The following PTPRT variants were observed in gnomAD, a reference collection of about 807,000 sequenced individuals.
The protein encoded by PTPRT is protein tyrosine phosphatase receptor type T.
In PTPRT, 56 loss-of-function variants were observed where a neutral mutation model predicts 176.8. That is an observed-to-expected ratio of 0.32 (90% CI 0.26 to 0.40). The LOEUF (loss-of-function observed/expected upper bound fraction) is 0.40. Ranked by LOEUF, PTPRT falls within the 10% of genes least tolerant of loss-of-function variation. The pLI is 1.00. For missense variants in PTPRT, 1,540 were observed against 1,908.2 expected (o/e 0.81, Z 3.60); for synonymous variants, 783 against 739.0 (o/e 1.06, Z -0.96).
chr20:42,315,903 C>T lies in PTPRT; in HGVS notation c.1959G>A (p.Arg653=), dbSNP rs1600824373. The change falls in exon 12 of 31, where the codon CGG becomes CGA. Residue 653 remains arginine (R), a synonymous_variant. Coordinates refer to ENST00000373187, the MANE Select transcript of PTPRT (RefSeq NM_007050.6). The stretch of plus-strand genomic sequence containing the variant: ...GTAGAGAATCGAGGCTGGAGGCATT[C>T]CGATAGCTCACGGGCACCGAAAAGC... ...IECFSVPVSY[R]NASSLDSLHY... is the part of the protein sequence containing the mutation. 4 of 1,614,056 alleles carry T rather than the reference C, an allele frequency of 2.5e-6. No homozygotes were observed. In the East Asian group the frequency reaches 8.9e-5, roughly 36 times the overall value.
intron 3 of PTPRT, among the ~76,000 whole-genome samples, chr20:42,781,777 C>A (rs2077218874): frequency 6.6e-6 from 1 of 152,186 alleles, no homozygotes; most frequent in Non-Finnish European, 1.5e-5. Context: ...ACGGAAGATA[C>A]TAATAATCTT....
chr20:43,184,712 T>C (rs1337048717), intron 1 of PTPRT, among the ~76,000 whole-genome samples: 1 of 151,450 alleles, frequency 6.6e-6, no homozygotes, highest in Non-Finnish European at 1.5e-5. Flanking sequence ...GCCCTAATGA[T>C]CACCATGCCT....
intron 12 of PTPRT, among the ~76,000 whole-genome samples, chr20:42,301,455 G>A (rs760818078): frequency 2.0e-5 from 3 of 152,138 alleles, no homozygotes; most frequent in Non-Finnish European, 4.4e-5. Flanking sequence ...TGTGACCCTG[G>A]ACCAGGTTTT....
Position 42,098,452 on chromosome 20 carries a change from AC to A in PTPRT, c.3814del (p.Val1272TrpfsTer2). 6.2e-7 allele frequency: 1 copy of A among 1,614,124 alleles called. No individual in the cohort carries two copies. The highest frequency in any genetic ancestry group is 8.5e-7 in the Non-Finnish European group (1 of 1,180,000). ...AGTGTCCATCTCATTCAGCATCACCACAGAGGAGCAGTTGTAATCGAACACC... is the reference window on the plus strand; with the variant it reads ...AGTGTCCATCTCATTCAGCATCACCAAGAGGAGCAGTTGTAATCGAACACC... Reference protein sequence around the residue: ...RLVFDYNCSSVVMLNEMDTAQ... With the variant: ...RLVFDYNCSSXVMLNEMDTAQ... On this transcript the variant is annotated frameshift_variant, in exon 27 of 31. Transcript: ENST00000373187. LOFTEE classifies it high-confidence loss of function.
At chr20:42,616,117 A>C (rs2145839916) in intron 7 of PTPRT, among the ~76,000 whole-genome samples, 1 of 128,298 alleles carries the variant, frequency 7.8e-6, no homozygotes, top group African/African-American at 3.8e-5. Context: ...TTTTTGTATA[A>C]GGCATAAGGA....
chr20:42,336,422 G>A (rs2058040346), intron 11 of PTPRT, among the ~76,000 whole-genome samples: 1 of 152,192 alleles, frequency 6.6e-6, no homozygotes, highest in African/African-American at 2.4e-5. Flanking sequence ...CTGAGGCACA[G>A]GACTGGGGGA....
chr20:42,483,481 G>C (rs1000075886), intron 7 of PTPRT, among the ~76,000 whole-genome samples: 4 of 152,106 alleles, frequency 2.6e-5, no homozygotes, highest in African/African-American at 9.7e-5. Context: ...CGTTCTTTAG[G>C]CCTTCCTTTA....
rs75351972 is a variant in PTPRT at position 42,780,409 on chromosome 20, C to T, written c.487-110G>A. On this transcript the variant is annotated intron_variant, in intron 3 of 30. Coordinates refer to ENST00000373187, the MANE Select transcript of PTPRT (RefSeq NM_007050.6). ...TGTTTCAACTTCCCATCAGAAGCAA[C>T]CCAAGAAACCTTCTGTTAAGACAGC... 5,984 of 766,976 alleles carry T rather than the reference C, an allele frequency of 7.8e-3. 39 individuals are homozygous for T. Among genetic ancestry groups the T allele is most frequent in the Non-Finnish European group, 9.4e-3 (4,239 of 450,406 alleles). 47.5% of individuals were successfully genotyped at this position (766,976 alleles called of 1,614,324 possible).
chr20:42,400,095 T>C (rs2058890540), intron 9 of PTPRT, among the ~76,000 whole-genome samples: 1 of 152,176 alleles, frequency 6.6e-6, no homozygotes, highest in Non-Finnish European at 1.5e-5. Flanking sequence ...ATGCCTCATG[T>C]TGTCTTTAAC....
intron 2 of PTPRT, among the ~76,000 whole-genome samples, chr20:42,880,543 C>T (rs576957876): frequency 6.6e-6 from 1 of 152,320 alleles, no homozygotes; most frequent in Admixed American, 6.5e-5. Context: ...TCACATCTTC[C>T]TTCAGCCCCC....
At chr20:43,098,098 G>A (rs928242150) in intron 1 of PTPRT, among the ~76,000 whole-genome samples, 1 of 152,166 alleles carries the variant, frequency 6.6e-6, no homozygotes, top group Non-Finnish European at 1.5e-5. Context: ...TAGAGAAACA[G>A]AGCCAGCCGG....
intron 1 of PTPRT, among the ~76,000 whole-genome samples, chr20:43,072,993 G>A (rs1568768268): frequency 6.6e-6 from 1 of 152,132 alleles, no homozygotes; most frequent in Non-Finnish European, 1.5e-5. Context: ...GAAGTCAGGA[G>A]GAATAAAAGA....
In PTPRT at chr20:42,589,429, C is replaced by T. The variant is rs920484243; in HGVS notation, c.1153+88437G>A. On this transcript the variant is annotated intron_variant, in intron 7 of 30. Transcript: ENST00000373187. ...CTTCAATTTGTGTGCCAGTCATAAA[C>T]ACAGCAACTTCCATTTGAGCAGAAA... Among the ~76,000 whole-genome samples, 3 of 152,300 alleles carry T rather than the reference C, an allele frequency of 2.0e-5. No homozygotes were observed. In the South Asian group the frequency reaches 6.2e-4, roughly 32 times the overall value.
At chr20:42,776,078 T>C (rs1170598001) in intron 4 of PTPRT, among the ~76,000 whole-genome samples, 1 of 152,130 alleles carries the variant, frequency 6.6e-6, no homozygotes, top group Non-Finnish European at 1.5e-5. Context: ...CTTCCCAGGC[T>C]CTCACCACCT....
chr20:42,918,177 G>A (rs1174630462), intron 1 of PTPRT, among the ~76,000 whole-genome samples: 3 of 152,074 alleles, frequency 2.0e-5, no homozygotes, highest in Non-Finnish European at 4.4e-5. Context: ...GTAGTGAGAG[G>A]TCAACCAGTG....
chr20:42,852,861 T>C (rs1194927990), intron 2 of PTPRT, among the ~76,000 whole-genome samples: 1 of 152,124 alleles, frequency 6.6e-6, no homozygotes, highest in African/African-American at 2.4e-5. Context: ...TAGACCTCCC[T>C]AGAGAGTGAA....
At chr20:42,863,218 T>C (rs577927237) in intron 2 of PTPRT, among the ~76,000 whole-genome samples, 1 of 152,214 alleles carries the variant, frequency 6.6e-6, no homozygotes, top group Non-Finnish European at 1.5e-5. Flanking sequence ...CTTGTAGTTA[T>C]ATTGGTAGAA....
intron 1 of PTPRT, among the ~76,000 whole-genome samples, chr20:42,966,678 C>A (rs1455969879): frequency 1.3e-5 from 2 of 152,200 alleles, no homozygotes; most frequent in Non-Finnish European, 1.5e-5. Context: ...GGTGCTGCTT[C>A]CCCCGCAACA....
intron 2 of PTPRT, among the ~76,000 whole-genome samples, chr20:42,795,225 A>G: frequency 6.6e-6 from 1 of 152,198 alleles, no homozygotes; most frequent in East Asian, 1.9e-4. Context: ...AACATAAAAC[A>G]GCATTAGTTT....
Sources: allele counts gnomAD v4.1 joint callset (sites outside exome capture counted in the v4.1 genomes callset), GRCh38; gene constraint gnomAD v4.1.1; transcripts MANE v1.5; gene names NCBI Gene and HGNC (gene_info 2026-07-23, HGNC 2026-07-21).